The following OS9 variants were observed in gnomAD, a reference collection of about 807,000 sequenced individuals.
OS9 encodes OS9 endoplasmic reticulum lectin.
OS9 carries 58 observed loss-of-function variants against 84.7 expected under a neutral mutation model. The ratio of observed to expected loss-of-function variants is 0.68; its 90% CI spans 0.55 to 0.85. OS9 has a LOEUF of 0.85. OS9 is among the 40% of genes least tolerant of loss of function. The probability of loss-of-function intolerance (pLI) is 0.00; values close to 1 mark genes in which losing one functional copy is unlikely to be tolerated. For missense variants in OS9, 760 were observed against 850.9 expected (o/e 0.89, Z 1.33); for synonymous variants, 278 against 320.8 (o/e 0.87, Z 1.43).
intron 11 of OS9, among the ~76,000 whole-genome samples, chr12:57,718,787 C>A (rs1476090545): frequency 6.6e-6 from 1 of 152,152 alleles, no homozygotes; most frequent in African/African-American, 2.4e-5. Context: ...TACCTGTAAT[C>A]CCAGCTCTTT....
At chr12:57,719,920 C>T (rs1460225002) in intron 12 of OS9, 179 bp from the exon 13 acceptor site, 1 of 584,574 alleles carries the variant, frequency 1.7e-6, no homozygotes, top group Non-Finnish European at 3.0e-6. Flanking sequence ...GTGGAGGGAG[C>T]TCTACAGGCT....
Position 57,720,923 on chromosome 12 carries a change from C to T in OS9, c.*14C>T. On this transcript the variant is annotated 3_prime_UTR_variant, in exon 15 of 15. Transcript: ENST00000315970. ...TTTGACTTCTGAGACCAACACTACACTTGACCCTTCACGGAATCCAGACTC... is the reference window on the plus strand; with the variant it reads ...TTTGACTTCTGAGACCAACACTACATTTGACCCTTCACGGAATCCAGACTC... The T allele has an allele frequency of 6.2e-7, 1 of 1,614,032 alleles. No individual in the cohort carries two copies. The highest frequency in any genetic ancestry group is 8.5e-7 in the Non-Finnish European group (1 of 1,179,912).
intron 5 of OS9, among the ~76,000 whole-genome samples, chr12:57,713,546 C>T (rs1000093469): frequency 1.3e-5 from 2 of 152,046 alleles, no homozygotes; most frequent in Non-Finnish European, 2.9e-5. Context: ...GTGGGTGGGG[C>T]TGAGTGGAGG....
intron 12 of OS9, chr12:57,719,570 G>T: frequency 4.6e-6 from 1 of 216,476 alleles, no homozygotes; most frequent in Non-Finnish European, 9.2e-6. Context: ...GAATAGGAGA[G>T]CCCAGCTGCA....
At chr12:57,709,389 T>C (rs1251349773) in intron 5 of OS9, among the ~76,000 whole-genome samples, 1 of 152,248 alleles carries the variant, frequency 6.6e-6, no homozygotes, top group Non-Finnish European at 1.5e-5. Context: ...TCTACGTGCT[T>C]CTGAACTTAT....
intron 5 of OS9, among the ~76,000 whole-genome samples, chr12:57,708,657 C>T (rs531985655): frequency 6.6e-6 from 1 of 151,762 alleles, no homozygotes; most frequent in South Asian, 2.1e-4. Flanking sequence ...CTTATTCCTG[C>T]ATATAGTTTC....
chr12:57,708,716 G>A (rs1954245960), intron 5 of OS9, among the ~76,000 whole-genome samples: 1 of 151,352 alleles, frequency 6.6e-6, no homozygotes, highest in Non-Finnish European at 1.5e-5. Context: ...ATGGTTCCCT[G>A]TTGATGGACA....
rs1391476994 is a variant in OS9 at position 57,719,061 on chromosome 12, C to T, written c.1479C>T (p.Leu493=). The change falls in exon 12 of 15, where the codon CTC becomes CTT. Residue 493 remains leucine, a synonymous_variant. Coordinates refer to ENST00000315970, the MANE Select transcript of OS9 (RefSeq NM_006812.4). ...ESERDRAMLA[L]TSTLNKLIKR... is the part of the protein sequence containing the mutation. ...AGCGGGATCGGGCAATGCTGGCTCT[C>T]ACATCCACTCTCAACAAACTCATCA... 4.3e-6 allele frequency: 7 copies of T among 1,614,064 alleles called. No homozygotes were observed. The highest frequency in any genetic ancestry group is 5.9e-6 in the Non-Finnish European group (7 of 1,179,952).
Position 57,721,070 on chromosome 12 carries a change from A to T in OS9, c.*161A>T. On this transcript the variant is annotated 3_prime_UTR_variant, in exon 15 of 15. Transcript: ENST00000315970. ...TCTGTGGGTGTGGGGGCCCTGGGTG[A>T]ATGCTGCTGCCCCTGCTGGCAGCCA... 1.3e-6 allele frequency: 1 copy of T among 745,054 alleles called. No homozygotes were observed. Among genetic ancestry groups the T allele is most frequent in the Non-Finnish European group, 2.2e-6 (1 of 459,404 alleles). The allele number at this position is 745,054 out of a possible 1,614,324, so 46.2% of individuals were successfully genotyped here. A position where few individuals can be genotyped will look rare whatever the true frequency, so the allele number is the denominator to read the frequency against.
chr12:57,718,950 C>T, intron 11 of OS9, 43 bp from the exon 12 acceptor site: 1 of 1,480,550 alleles, frequency 6.8e-7, no homozygotes, highest in African/African-American at 1.4e-5. Context: ...GCTGCCTCCA[C>T]ACCCCAGACC....
chr12:57,703,126 G>A (rs1472228075), intron 5 of OS9, among the ~76,000 whole-genome samples: 2 of 152,160 alleles, frequency 1.3e-5, no homozygotes, highest in African/African-American at 2.4e-5. Flanking sequence ...CGCGATCTCA[G>A]CTCACTGCAA....
intron 5 of OS9, among the ~76,000 whole-genome samples, chr12:57,697,205 T>C (rs1798244456): frequency 2.0e-5 from 3 of 152,232 alleles, no homozygotes; most frequent in African/African-American, 7.2e-5. Context: ...GCCTGTGGTA[T>C]AAATACTCCC....
chr12:57,694,460 C>A, intron 1 of OS9, 137 bp downstream of exon 1: 1 of 969,270 alleles, frequency 1.0e-6, no homozygotes, highest in Non-Finnish European at 1.5e-6. Context: ...TACGGTGACC[C>A]CTGGGGGTCG....
intron 1 of OS9, 44 bp from the exon 2 acceptor site, chr12:57,694,706 C>G: frequency 6.3e-7 from 1 of 1,595,218 alleles, no homozygotes; most frequent in Non-Finnish European, 8.6e-7. Flanking sequence ...CTGATCCCAG[C>G]CTTTCTTTGC....
chr12:57,694,160 A>G lies in OS9; in HGVS notation c.-2A>G, dbSNP rs1239335593. ...TTCTCTGCATAAGAAGGGGAACGAA[A>G]GATGGCGGCGGAAACGCTGCTGTCC... On this transcript the variant is annotated 5_prime_UTR_variant, in exon 1 of 15. Coordinates refer to ENST00000315970, the MANE Select transcript of OS9 (RefSeq NM_006812.4). 6.2e-7 allele frequency: 1 copy of G among 1,614,142 alleles called. No individual in the cohort carries two copies. The highest frequency in any genetic ancestry group is 1.7e-5 in the Admixed American group (1 of 60,028).
At chr12:57,712,319 C>T (rs569787198) in intron 5 of OS9, among the ~76,000 whole-genome samples, 82 of 152,194 alleles carry the variant, frequency 5.4e-4, no homozygotes, top group African/African-American at 1.7e-3. Context: ...TCTTCATTTT[C>T]GTTCATTTTT....
At chr12:57,718,625 C>T (rs1323869145) in intron 11 of OS9, among the ~76,000 whole-genome samples, 4 of 152,164 alleles carry the variant, frequency 2.6e-5, no homozygotes, top group Non-Finnish European at 5.9e-5. Flanking sequence ...GACTCTCTGG[C>T]CAGGCGCGGT....
chr12:57,716,347 C>CTA, intron 7 of OS9, 65 bp from the exon 8 acceptor site: 1 of 1,343,092 alleles, frequency 7.4e-7, no homozygotes, highest in South Asian at 1.3e-5. Context: ...GGACCCCATC[C>CTA]TATTTGCTCC....
intron 5 of OS9, among the ~76,000 whole-genome samples, chr12:57,714,774 T>G (rs1954434617): frequency 6.6e-6 from 1 of 152,070 alleles, no homozygotes; most frequent in Non-Finnish European, 1.5e-5. Context: ...TTTTAAAAAT[T>G]TTTTGTGGAG....
Sources: gnomAD v4.1 joint callset for allele counts (sites outside exome capture counted in the v4.1 genomes callset) on GRCh38, gnomAD v4.1.1 for gene constraint, MANE v1.5 for transcripts, NCBI Gene and HGNC (gene_info 2026-07-23, HGNC 2026-07-21) for gene names.